The following DEPDC1B variants were observed in gnomAD, a reference collection of about 807,000 sequenced individuals.
The protein encoded by DEPDC1B is DEP domain-containing protein 1B.
Under a neutral mutation model 66.5 loss-of-function variants are expected in DEPDC1B, and 51 were observed. The observed-to-expected ratio is 0.77, with a 90% CI of 0.61 to 0.97. The LOEUF is 0.97. Ranked by LOEUF, DEPDC1B falls within the 50% of genes least tolerant of loss-of-function variation. DEPDC1B has a pLI of 0.00. For synonymous variants in DEPDC1B, 226 were observed against 223.6 expected (o/e 1.01, Z -0.10); for missense variants, 552 against 637.1 (o/e 0.87, Z 1.44).
Position 60,599,167 on chromosome 5 carries a change from A to G in DEPDC1B, c.1336T>C (p.Tyr446His), listed in dbSNP as rs1752153376. The change falls in exon 10 of 11, where the codon TAT (tyrosine) becomes CAT (histidine). Residue 446 changes from tyrosine to histidine, a missense_variant. Physicochemically the swap from Tyr to His is moderately conservative, Grantham distance 83. Coordinates refer to ENST00000265036, the MANE Select transcript of DEPDC1B (RefSeq NM_018369.3). Reference protein sequence around the residue: ...SPEEFEYQRSYGSQEPLAALL... With the variant: ...SPEEFEYQRSHGSQEPLAALL... ...GCTGCCAGAGGTTCCTGAGAGCCAT[A>G]TGATCTTTGATATTCAAATTCCTCT... 4.3e-6 allele frequency: 7 copies of G among 1,613,594 alleles called. No homozygotes were observed. Among genetic ancestry groups the G allele is most frequent in the East Asian group, 2.2e-5 (1 of 44,838 alleles).
intron 6 of DEPDC1B, among the ~76,000 whole-genome samples, chr5:60,640,075 G>A (rs1157394225): frequency 6.6e-6 from 1 of 152,150 alleles, no homozygotes; most frequent in Non-Finnish European, 1.5e-5. Flanking sequence ...CCTCCTTAAA[G>A]ACTCTCTTAC....
At chr5:60,677,320 A>ACTCTCTCTCT (rs1210073972) in intron 2 of DEPDC1B, among the ~76,000 whole-genome samples, 1 of 107,730 alleles carries the variant, frequency 9.3e-6, no homozygotes, top group African/African-American at 5.3e-5. Flanking sequence ...ACACACACAC[A>ACTCTCTCTCT]CACACACTCT....
chr5:60,664,645 A>G (rs1276643594), intron 2 of DEPDC1B, among the ~76,000 whole-genome samples: 1 of 152,158 alleles, frequency 6.6e-6, no homozygotes, highest in Non-Finnish European at 1.5e-5. Flanking sequence ...GTACTGATGG[A>G]AGCTCCTTTG....
At chr5:60,679,493 G>A (rs1424106785) in intron 2 of DEPDC1B, among the ~76,000 whole-genome samples, 1 of 151,306 alleles carries the variant, frequency 6.6e-6, no homozygotes, top group Admixed American at 6.6e-5. Context: ...GAAAGAGGAA[G>A]AAAAAGAGAA....
At chr5:60,688,538 C>T (rs1282914601) in intron 1 of DEPDC1B, among the ~76,000 whole-genome samples, 2 of 152,192 alleles carry the variant, frequency 1.3e-5, no homozygotes, top group African/African-American at 2.4e-5. Context: ...CAGCCTATCA[C>T]AGTGTCTGTC....
chr5:60,662,330 G>C (rs1196707180), intron 2 of DEPDC1B, among the ~76,000 whole-genome samples: 1 of 152,110 alleles, frequency 6.6e-6, no homozygotes, highest in Non-Finnish European at 1.5e-5. Flanking sequence ...AGAGCTTGCG[G>C]TGAGCTGAGA....
chr5:60,599,315 A>G, intron 9 of DEPDC1B, 55 bp from the exon 10 acceptor site: 1 of 1,394,716 alleles, frequency 7.2e-7, no homozygotes, highest in Non-Finnish European at 9.6e-7. Context: ...AATAAATTAT[A>G]AGAATTAGTT....
At chr5:60,617,890 A>G (rs752094304) in intron 7 of DEPDC1B, among the ~76,000 whole-genome samples, 7 of 152,238 alleles carry the variant, frequency 4.6e-5, no homozygotes, top group Non-Finnish European at 8.8e-5. Flanking sequence ...AGTTGGAAGT[A>G]AAGCACTCCT....
intron 9 of DEPDC1B, among the ~76,000 whole-genome samples, chr5:60,601,677 G>A (rs1385417024): frequency 1.3e-5 from 2 of 151,786 alleles, no homozygotes; most frequent in Non-Finnish European, 2.9e-5. Flanking sequence ...AATAAATTAT[G>A]GTATATCCAT....
At chr5:60,645,868 G>A (rs1753304815) in intron 3 of DEPDC1B, among the ~76,000 whole-genome samples, 1 of 152,116 alleles carries the variant, frequency 6.6e-6, no homozygotes, top group South Asian at 2.1e-4. Flanking sequence ...AAGAGCTATG[G>A]CAGTAAGTAT....
intron 6 of DEPDC1B, among the ~76,000 whole-genome samples, chr5:60,642,128 T>A (rs1330454669): frequency 6.6e-6 from 1 of 152,208 alleles, no homozygotes. Context: ...ATATCTGTAG[T>A]GCTAGTTCCG....
intron 2 of DEPDC1B, among the ~76,000 whole-genome samples, chr5:60,653,864 C>T (rs971293497): frequency 7.2e-6 from 1 of 139,632 alleles, no homozygotes; most frequent in Non-Finnish European, 1.5e-5. Flanking sequence ...AATAGGGTGT[C>T]CTTTCCCCAC....
intron 2 of DEPDC1B, among the ~76,000 whole-genome samples, chr5:60,683,815 A>G (rs1201220505): frequency 1.3e-5 from 2 of 152,192 alleles, no homozygotes; most frequent in African/African-American, 4.8e-5. Context: ...ACAGGAAGTC[A>G]AGTACTCCCT....
intron 2 of DEPDC1B, among the ~76,000 whole-genome samples, chr5:60,686,231 T>A (rs186347488): frequency 6.6e-6 from 1 of 152,272 alleles, no homozygotes; most frequent in African/African-American, 2.4e-5. Context: ...GGGTCCATAT[T>A]CTCCATTCCT....
intron 1 of DEPDC1B, among the ~76,000 whole-genome samples, chr5:60,690,688 T>C (rs769422036): frequency 1.7e-4 from 26 of 152,324 alleles, no homozygotes; most frequent in Non-Finnish European, 3.1e-4. Context: ...AAATCAGATT[T>C]TTCTGACGTC....
rs549312928 is a variant in DEPDC1B, at chr5:60,628,133, C to T, written c.898+10617G>A. 15 of 152,296 alleles carry T rather than the reference C, an allele frequency of 9.8e-5. 1 individual carries two copies. The East Asian group carries it at 2.9e-3, about 29-fold the overall frequency. 9.4% of individuals were successfully genotyped at this position (152,296 alleles called of 1,614,324 possible). On this transcript the variant is annotated intron_variant, in intron 7 of 10. Coordinates refer to ENST00000265036, the MANE Select transcript of DEPDC1B (RefSeq NM_018369.3). ...ATAAATAATTTAACACTCAAGGAAA[C>T]CCAACTGTTCCTATGATACACATAA... is the stretch of plus-strand genomic sequence containing the variant.
At chr5:60,612,268 C>T (rs1229796944) in intron 7 of DEPDC1B, among the ~76,000 whole-genome samples, 1 of 151,662 alleles carries the variant, frequency 6.6e-6, no homozygotes, top group Admixed American at 6.6e-5. Context: ...ACTAAAAATA[C>T]AAAAATTAGC....
chr5:60,629,477 A>G (rs1752877026), intron 7 of DEPDC1B, among the ~76,000 whole-genome samples: 1 of 152,206 alleles, frequency 6.6e-6, no homozygotes. Context: ...TAGTAGTGTA[A>G]TAGTACCCCT....
intron 2 of DEPDC1B, among the ~76,000 whole-genome samples, chr5:60,666,244 T>C (rs543155965): frequency 6.6e-6 from 1 of 152,264 alleles, no homozygotes; most frequent in African/African-American, 2.4e-5. Context: ...CCAGGGTTCG[T>C]CTAATCGAGC....
Sources: allele counts gnomAD v4.1 joint callset (sites outside exome capture counted in the v4.1 genomes callset), GRCh38; gene constraint gnomAD v4.1.1; transcripts MANE v1.5; gene names NCBI Gene and HGNC (gene_info 2026-07-23, HGNC 2026-07-21).